CNBD1: variants seen among roughly 807,000 people sequenced by gnomAD.
The protein encoded by CNBD1 is cyclic nucleotide-binding domain-containing protein 1.
CNBD1 carries 71 observed loss-of-function variants against 54.4 expected under a neutral mutation model. The ratio of observed to expected loss-of-function variants is 1.30; its 90% confidence interval spans 1.08 to 1.59. The LOEUF (loss-of-function observed/expected upper bound fraction) is 1.59, where lower values mean the gene tolerates loss of function less well. Among genes scored for constraint, CNBD1 ranks in the 40% most tolerant of loss-of-function variants. CNBD1 has a pLI of 0.00. For missense variants in CNBD1, 659 were observed against 518.0 expected, an observed-to-expected ratio of 1.27 and a Z score of -2.64; for synonymous variants, 182 against 170.7, an observed-to-expected ratio of 1.07 and a Z score of -0.51.
intron 4 of CNBD1, among the ~76,000 whole-genome samples, chr8:87,087,810 T>G (rs1811132845): frequency 6.6e-6 from 1 of 152,156 alleles, no homozygotes; most frequent in Admixed American, 6.5e-5. Flanking sequence ...AGCTTGGAAT[T>G]ACCTGAGAGA....
chr8:87,133,517 A>G (rs1166523678), intron 4 of CNBD1, among the ~76,000 whole-genome samples: 1 of 152,102 alleles, frequency 6.6e-6, no homozygotes, highest in Non-Finnish European at 1.5e-5. Context: ...ATTATCCCCC[A>G]TCATGGAAAA....
At chr8:87,039,917 C>G (rs949842842) in intron 4 of CNBD1, among the ~76,000 whole-genome samples, 2 of 152,120 alleles carry the variant, frequency 1.3e-5, no homozygotes, top group Non-Finnish European at 2.9e-5. Flanking sequence ...GTCTTCTGCA[C>G]TGAGTCAGTT....
At chr8:86,994,633 AC>A (rs934831876) in intron 4 of CNBD1, among the ~76,000 whole-genome samples, 5 of 152,006 alleles carry the variant, frequency 3.3e-5, no homozygotes, top group African/African-American at 1.2e-4. Context: ...CTGTCCCTTG[AC>A]CCACTCTTTT....
At chr8:87,032,095 GACA>G (rs1415322024) in intron 4 of CNBD1, among the ~76,000 whole-genome samples, 3 of 152,166 alleles carry the variant, frequency 2.0e-5, no homozygotes, top group African/African-American at 4.8e-5. Flanking sequence ...TTTGTTTGAA[GACA>G]ACATCTTTCT....
chr8:87,078,009 TTAA>T (rs1810911384), intron 4 of CNBD1, among the ~76,000 whole-genome samples: 1 of 152,196 alleles, frequency 6.6e-6, no homozygotes, highest in African/African-American at 2.4e-5. Context: ...ACTTCATGAC[TTAA>T]TAACCTCCCA....
At chr8:87,220,826 T>G (rs1814317611) in intron 5 of CNBD1, among the ~76,000 whole-genome samples, 1 of 150,390 alleles carries the variant, frequency 6.6e-6, no homozygotes, top group Non-Finnish European at 1.5e-5. Context: ...TTTCTAAAGT[T>G]AAAAGTAATG....
At chr8:86,884,577 C>T (rs968467054) in intron 1 of CNBD1, among the ~76,000 whole-genome samples, 2 of 152,212 alleles carry the variant, frequency 1.3e-5, no homozygotes, top group East Asian at 1.9e-4. Context: ...AAAACATACT[C>T]CTCCCTGTAA....
chr8:86,873,314 T>C (rs1808468269), intron 1 of CNBD1, among the ~76,000 whole-genome samples: 1 of 151,898 alleles, frequency 6.6e-6, no homozygotes, highest in Non-Finnish European at 1.5e-5. Flanking sequence ...TTGATCAGGC[T>C]TGTCTCAAAC....
intron 10 of CNBD1, among the ~76,000 whole-genome samples, chr8:87,368,271 CA>C (rs1235909358): frequency 6.6e-6 from 1 of 151,814 alleles, no homozygotes; most frequent in Non-Finnish European, 1.5e-5. Flanking sequence ...TGAACGCTGT[CA>C]AAAAACAATA....
intron 6 of CNBD1, among the ~76,000 whole-genome samples, chr8:87,269,488 A>G (rs577713239): frequency 1.3e-5 from 2 of 152,256 alleles, no homozygotes; most frequent in South Asian, 2.1e-4. Context: ...TAGGAATAGC[A>G]TTGACTATAA....
intron 4 of CNBD1, among the ~76,000 whole-genome samples, chr8:87,051,059 G>A (rs1406459396): frequency 6.6e-6 from 1 of 152,176 alleles, no homozygotes; most frequent in Non-Finnish European, 1.5e-5. Flanking sequence ...AAGCCATTAG[G>A]ATGGCAGCTC....
downstream of CNBD1, among the ~76,000 whole-genome samples, chr8:87,387,314 T>C (rs1364676981): frequency 4.0e-5 from 6 of 151,828 alleles, no homozygotes; most frequent in Admixed American, 6.6e-5. Flanking sequence ...GACTGGCAAA[T>C]TGGATAAAGA....
intron 4 of CNBD1, among the ~76,000 whole-genome samples, chr8:87,035,662 T>A (rs1232768644): frequency 6.6e-6 from 1 of 152,208 alleles, no homozygotes; most frequent in African/African-American, 2.4e-5. Flanking sequence ...TTTGTGGCAG[T>A]TATGATGAGG....
chr8:87,114,761 G>GGAATTACACTTT (rs1359716583), intron 4 of CNBD1, among the ~76,000 whole-genome samples: 1 of 152,028 alleles, frequency 6.6e-6, no homozygotes, highest in East Asian at 1.9e-4. Flanking sequence ...TAATTCTGAG[G>GGAATTACACTTT]GCGTTTGCAT....
rs1304865331 is a variant in CNBD1, at chr8:86,874,986, T to TTTTATATATATATATA, written c.88+8404_88+8405insTTATATATATATATAT. On this transcript the variant is annotated intron_variant, in intron 1 of 10. Transcript: ENST00000518476. ...CATTTATATTTGTTTGTAAATCAAT[T>TTTTATATATATATATA]TATATATATATATATATATATATAT... is the stretch of plus-strand genomic sequence containing the variant. Among the ~76,000 whole-genome samples the TTTTATATATATATATA allele has an allele frequency of 8.6e-4, 103 of 120,038 alleles. 2 individuals carry two copies. Among genetic ancestry groups the TTTTATATATATATATA allele is most frequent in the African/African-American group, 3.4e-3 (97 of 28,890 alleles). 78.7% of individuals were successfully genotyped at this position (120,038 alleles called of 152,430 possible).
At position 87,092,551 on chromosome 8, in the gene CNBD1, A is replaced by G. The variant is rs1333301782; in HGVS notation, c.432-113442A>G. Reference sequence around the variant, plus strand: ...TATGTATGTATGTGTGTGTATATATATATATACACATATGTGTGTGTGTGT... The same window carrying G: ...TATGTATGTATGTGTGTGTATATATGTATATACACATATGTGTGTGTGTGT... On this transcript the variant is annotated intron_variant, in intron 4 of 10. Transcript: ENST00000518476. 1.1e-4 allele frequency among the ~76,000 whole-genome samples: 6 copies of G among 56,354 alleles called. 1 individual carries two copies. The highest frequency in any genetic ancestry group is 4.6e-4 in the African/African-American group (6 of 13,172). The allele number at this position is 56,354 out of a possible 152,430, so 37.0% of individuals were successfully genotyped here.
chr8:87,276,727 G>A (rs923512292), intron 6 of CNBD1, among the ~76,000 whole-genome samples: 2 of 151,840 alleles, frequency 1.3e-5, no homozygotes, highest in Non-Finnish European at 2.9e-5. Flanking sequence ...AGATTAGAGT[G>A]GCTATAATTC....
chr8:87,031,446 AT>A, intron 4 of CNBD1, among the ~76,000 whole-genome samples: 1 of 152,254 alleles, frequency 6.6e-6, no homozygotes, highest in African/African-American at 2.4e-5. Flanking sequence ...AGTAGGGCTC[AT>A]TTTGATTAGT....
intron 3 of CNBD1, among the ~76,000 whole-genome samples, chr8:86,928,400 C>T (rs1379030820): frequency 2.0e-5 from 3 of 152,126 alleles, no homozygotes; most frequent in African/African-American, 7.2e-5. Context: ...TCATTTACCT[C>T]CTTGACCTTC....
Sources: gnomAD v4.1 joint callset for allele counts (sites outside exome capture counted in the v4.1 genomes callset) on GRCh38, gnomAD v4.1.1 for gene constraint, MANE v1.5 for transcripts, NCBI Gene and HGNC (gene_info 2026-07-23, HGNC 2026-07-21) for gene names.